CNBD1: variants seen among roughly 807,000 people sequenced by gnomAD.
CNBD1 encodes cyclic nucleotide binding domain containing 1, also known as cyclic nucleotide-binding domain-containing protein 1.
In CNBD1, 71 loss-of-function variants were observed where a neutral mutation model predicts 54.4. That is an observed-to-expected ratio of 1.30 (90% CI 1.08 to 1.59). The LOEUF (loss-of-function observed/expected upper bound fraction) is 1.59, where lower values mean the gene tolerates loss of function less well. CNBD1 is among the 40% of genes most tolerant of loss of function. The pLI, the probability that CNBD1 is intolerant of heterozygous loss-of-function variation, is 0.00. For synonymous variants in CNBD1, 182 were observed against 170.7 expected, an observed-to-expected ratio of 1.07 and a Z score of -0.51; for missense variants, 659 against 518.0, an observed-to-expected ratio of 1.27 and a Z score of -2.64.
At chr8:87,103,675 G>C (rs534959939) in intron 4 of CNBD1, among the ~76,000 whole-genome samples, 1 of 152,286 alleles carries the variant, frequency 6.6e-6, no homozygotes, top group East Asian at 1.9e-4. Flanking sequence ...GAATAGCATG[G>C]AGGTAACCAT....
At chr8:86,892,101 A>G (rs1808776881) in intron 2 of CNBD1, among the ~76,000 whole-genome samples, 1 of 151,988 alleles carries the variant, frequency 6.6e-6, no homozygotes, top group South Asian at 2.1e-4. Flanking sequence ...TGTGTTGAAA[A>G]GAAGTAGTGA....
At chr8:87,301,438 A>T (rs1808990270) in intron 8 of CNBD1, among the ~76,000 whole-genome samples, 2 of 151,904 alleles carry the variant, frequency 1.3e-5, no homozygotes, top group Admixed American at 6.6e-5. Flanking sequence ...ACAGATGCTA[A>T]AATCCTTAAT....
At chr8:87,374,623 A>G (rs1810888015) in intron 10 of CNBD1, among the ~76,000 whole-genome samples, 1 of 151,772 alleles carries the variant, frequency 6.6e-6, no homozygotes, top group Admixed American at 6.6e-5. Flanking sequence ...CCTCTCTAGC[A>G]GTTAGGTTGG....
At chr8:87,112,539 G>A (rs1811685097) in intron 4 of CNBD1, among the ~76,000 whole-genome samples, 1 of 152,130 alleles carries the variant, frequency 6.6e-6, no homozygotes, top group East Asian at 1.9e-4. Context: ...AGTGATTGGA[G>A]CCTGTTGTTT....
intron 2 of CNBD1, among the ~76,000 whole-genome samples, chr8:87,397,727 A>G (rs1345239216): frequency 6.6e-6 from 1 of 151,984 alleles, no homozygotes; most frequent in Non-Finnish European, 1.5e-5. Flanking sequence ...CATCTGGTAT[A>G]GTCTAGCTCT....
At chr8:86,975,730 G>T (rs969773152) in intron 4 of CNBD1, among the ~76,000 whole-genome samples, 4 of 151,796 alleles carry the variant, frequency 2.6e-5, no homozygotes, top group Admixed American at 1.3e-4. Context: ...TTTCCATTCC[G>T]TTGGAGATAT....
At chr8:87,237,295 A>G (rs1994834) in intron 6 of CNBD1, 183 bp downstream of exon 6, 7,943 of 414,438 alleles carry the variant, frequency 0.019, 406 homozygotes, top group African/African-American at 0.12. Context: ...TTGATAAAGG[A>G]TGCCTTCAAC....
chr8:86,978,491 C>A (rs1316325228), intron 4 of CNBD1, among the ~76,000 whole-genome samples: 1 of 148,130 alleles, frequency 6.8e-6, no homozygotes, highest in Non-Finnish European at 1.5e-5. Context: ...GGATTTGATA[C>A]TCCTAATAAT....
intron 4 of CNBD1, among the ~76,000 whole-genome samples, chr8:86,976,866 A>C (rs751623125): frequency 3.9e-5 from 6 of 152,004 alleles, no homozygotes; most frequent in Admixed American, 1.3e-4. Flanking sequence ...TGATTGCTTT[A>C]TGTTGGTTTT....
chr8:87,323,495 T>C, intron 8 of CNBD1, among the ~76,000 whole-genome samples: 1 of 123,088 alleles, frequency 8.1e-6, no homozygotes, highest in Admixed American at 7.9e-5. Flanking sequence ...CAGTGGTTTG[T>C]AGTTCTTGAA....
intron 10 of CNBD1, among the ~76,000 whole-genome samples, chr8:87,358,285 A>T (rs1371419436): frequency 6.6e-6 from 1 of 152,202 alleles, no homozygotes; most frequent in African/African-American, 2.4e-5. Flanking sequence ...TCAAATTCAT[A>T]TGTCTAATTT....
At chr8:87,222,892 G>A (rs1416646942) in intron 5 of CNBD1, among the ~76,000 whole-genome samples, 1 of 152,046 alleles carries the variant, frequency 6.6e-6, no homozygotes, top group East Asian at 1.9e-4. Flanking sequence ...GTCCTCATGA[G>A]AATGGTTCTT....
chr8:87,027,229 C>T (rs764976785), intron 4 of CNBD1, among the ~76,000 whole-genome samples: 1 of 152,104 alleles, frequency 6.6e-6, no homozygotes, highest in Non-Finnish European at 1.5e-5. Flanking sequence ...TGTGAACCAA[C>T]ATTTTGGGTA....
At chr8:86,961,573 C>T (rs564394701) in intron 4 of CNBD1, among the ~76,000 whole-genome samples, 6 of 152,332 alleles carry the variant, frequency 3.9e-5, no homozygotes, top group South Asian at 2.1e-4. Flanking sequence ...AAGGGCATCC[C>T]GTTTGGAGAG....
chr8:87,321,896 G>T (rs540074681), intron 8 of CNBD1, among the ~76,000 whole-genome samples: 1 of 148,086 alleles, frequency 6.8e-6, no homozygotes, highest in Non-Finnish European at 1.5e-5. Context: ...CTGGTGTGCT[G>T]CACCCACCAC....
intron 3 of CNBD1, among the ~76,000 whole-genome samples, chr8:86,935,017 GTTTATTTATTTA>G (rs199778224): frequency 3.8e-4 from 25 of 65,840 alleles, no homozygotes; most frequent in Non-Finnish European, 7.0e-4. Context: ...TTGTTTGTTT[GTTTATTTATTTA>G]TTTATTTATT....
intron 2 of CNBD1, among the ~76,000 whole-genome samples, chr8:87,414,696 C>A (rs186893543): frequency 6.6e-6 from 1 of 151,850 alleles, no homozygotes. Flanking sequence ...TACTGGTTAT[C>A]CTTGTTATGT....
At chr8:87,399,393 C>G (rs1344633269) in intron 2 of CNBD1, among the ~76,000 whole-genome samples, 1 of 151,964 alleles carries the variant, frequency 6.6e-6, no homozygotes, top group Non-Finnish European at 1.5e-5. Context: ...CCCAACACCA[C>G]CCACCTCTTC....
chr8:86,908,528 A>G (rs1284427193), intron 3 of CNBD1, among the ~76,000 whole-genome samples: 1 of 152,172 alleles, frequency 6.6e-6, no homozygotes, highest in Non-Finnish European at 1.5e-5. Flanking sequence ...AGAGTTATGC[A>G]TTGAAAAAAC....
Sources: gnomAD v4.1 joint callset for allele counts (sites outside exome capture counted in the v4.1 genomes callset) on GRCh38, gnomAD v4.1.1 for gene constraint, MANE v1.5 for transcripts, NCBI Gene and HGNC (gene_info 2026-07-23, HGNC 2026-07-21) for gene names.